The following CTNNA3 variants were observed in gnomAD, a reference collection of about 807,000 sequenced individuals.
CTNNA3 encodes catenin alpha-3.
In CTNNA3, 76 loss-of-function variants were observed where a neutral mutation model predicts 95.7. The ratio of observed to expected loss-of-function variants is 0.79; its 90% confidence interval spans 0.66 to 0.96. CTNNA3 has a LOEUF of 0.96. Among genes scored for constraint, CTNNA3 ranks in the 40% least tolerant of loss-of-function variants. The pLI is 0.00. For synonymous variants in CTNNA3, 431 were observed against 374.4 expected (o/e 1.15, Z -1.74); for missense variants, 1,191 against 1,089.8 (o/e 1.09, Z -1.31).
intron 7 of CTNNA3, among the ~76,000 whole-genome samples, chr10:66,873,322 A>G (rs1844485332): frequency 6.6e-6 from 1 of 151,184 alleles, no homozygotes; most frequent in Non-Finnish European, 1.5e-5. Context: ...GTGTATAAGC[A>G]TTTCCTTTTC....
chr10:67,024,526 T>C (rs78510093), intron 7 of CTNNA3, among the ~76,000 whole-genome samples: 2,132 of 152,298 alleles, frequency 0.014, 64 homozygotes, highest in African/African-American at 0.049. Context: ...TTATTTGGCC[T>C]ACCATAAGAC....
intron 9 of CTNNA3, among the ~76,000 whole-genome samples, chr10:66,688,830 C>T (rs1381774080): frequency 2.0e-5 from 3 of 150,968 alleles, no homozygotes; most frequent in South Asian, 2.1e-4. Flanking sequence ...AAAAATTAGC[C>T]GGGCGTGGTG....
intron 11 of CTNNA3, among the ~76,000 whole-genome samples, chr10:66,391,887 T>G (rs1260782721): frequency 1.3e-5 from 2 of 151,930 alleles, no homozygotes; most frequent in East Asian, 3.9e-4. Flanking sequence ...TACTGATTTT[T>G]CAATTAGAGT....
rs142333069 is a variant in CTNNA3, at chr10:66,314,599, T to A, written c.1733-33978A>T. ...ATCTCAATTTCCTCCAATTAGAATA[T>A]AGAATCTTCAATAAGTTTTTCAACT... On this transcript the variant is annotated intron_variant, in intron 12 of 17. Coordinates refer to ENST00000433211, the MANE Select transcript of CTNNA3 (RefSeq NM_013266.4). Among the ~76,000 whole-genome samples the A allele has an allele frequency of 6.4e-3, 981 of 152,216 alleles. 12 individuals are homozygous for A. Among genetic ancestry groups the A allele is most frequent in the African/African-American group, 0.022 (906 of 41,570 alleles).
intron 13 of CTNNA3, among the ~76,000 whole-genome samples, chr10:66,180,996 A>C (rs1009765074): frequency 2.6e-5 from 4 of 152,114 alleles, no homozygotes; most frequent in African/African-American, 9.7e-5. Flanking sequence ...ATCCAAATGG[A>C]CCATTTCTAG....
intron 7 of CTNNA3, among the ~76,000 whole-genome samples, chr10:67,118,884 T>A (rs1589759584): frequency 6.6e-6 from 1 of 151,900 alleles, no homozygotes; most frequent in Non-Finnish European, 1.5e-5. Context: ...TAGAAATATA[T>A]AATAACATTT....
intron 1 of CTNNA3, among the ~76,000 whole-genome samples, chr10:67,686,552 C>T (rs1840735264): frequency 6.6e-6 from 1 of 152,160 alleles, no homozygotes. Flanking sequence ...AGGCGGTTGT[C>T]TGATAACCAT....
intron 11 of CTNNA3, among the ~76,000 whole-genome samples, chr10:66,507,242 G>A (rs1327372965): frequency 6.6e-6 from 1 of 151,854 alleles, no homozygotes; most frequent in Non-Finnish European, 1.5e-5. Flanking sequence ...CATAATAAGT[G>A]AAACATATTT....
In CTNNA3 at chr10:67,329,608, G is replaced by A. The variant is rs145962902; in HGVS notation, c.580-109738C>T. 8.7e-4 allele frequency among the ~76,000 whole-genome samples: 132 copies of A among 152,262 alleles called. 1 individual carries two copies. Among genetic ancestry groups the A allele is most frequent in the African/African-American group, 3.0e-3 (124 of 41,552 alleles). On this transcript the variant is annotated intron_variant, in intron 5 of 17. Coordinates refer to ENST00000433211, the MANE Select transcript of CTNNA3 (RefSeq NM_013266.4). ...TAGAATATACATACATATTGTCACT[G>A]TTCTTATAAAGTAACTCAAATAGAT...
chr10:66,996,457 G>C (rs1851346736), intron 7 of CTNNA3, among the ~76,000 whole-genome samples: 2 of 151,854 alleles, frequency 1.3e-5, no homozygotes, highest in Non-Finnish European at 2.9e-5. Context: ...ACCAGGCTGG[G>C]CAATATGGTG....
chr10:67,253,570 C>T (rs1866198162), intron 5 of CTNNA3, among the ~76,000 whole-genome samples: 1 of 152,118 alleles, frequency 6.6e-6, no homozygotes, highest in Non-Finnish European at 1.5e-5. Flanking sequence ...CTTTCCCTCT[C>T]CTACACTTAA....
intron 7 of CTNNA3, among the ~76,000 whole-genome samples, chr10:66,975,587 A>G (rs1339129081): frequency 6.6e-6 from 1 of 152,154 alleles, no homozygotes; most frequent in Non-Finnish European, 1.5e-5. Flanking sequence ...ATCCAATTCT[A>G]TGAGTCTATG....
At chr10:66,027,629 T>G (rs1291601426) in intron 15 of CTNNA3, among the ~76,000 whole-genome samples, 1 of 152,152 alleles carries the variant, frequency 6.6e-6, no homozygotes, top group African/African-American at 2.4e-5. Context: ...AAAACAAAAA[T>G]AAGAGCACTT....
At chr10:66,315,148 T>C (rs943274977) in intron 12 of CTNNA3, among the ~76,000 whole-genome samples, 2 of 152,180 alleles carry the variant, frequency 1.3e-5, no homozygotes, top group Admixed American at 6.5e-5. Context: ...TTTTCTCTAC[T>C]AGAAGTAAGT....
At chr10:66,600,411 A>G (rs1203272697) in intron 10 of CTNNA3, among the ~76,000 whole-genome samples, 2 of 151,814 alleles carry the variant, frequency 1.3e-5, no homozygotes, top group Admixed American at 1.3e-4. Context: ...ACCTTGAAAT[A>G]TACACTTTTA....
At chr10:67,116,282 C>CA (rs1173751099) in intron 7 of CTNNA3, among the ~76,000 whole-genome samples, 1 of 152,034 alleles carries the variant, frequency 6.6e-6, no homozygotes, top group Non-Finnish European at 1.5e-5. Context: ...GTGACTTATT[C>CA]AGATGATAGA....
chr10:66,173,355 A>C (rs1327640674), intron 13 of CTNNA3, among the ~76,000 whole-genome samples: 1 of 152,158 alleles, frequency 6.6e-6, no homozygotes. Context: ...ATGTCTAGCA[A>C]TATCGAATGT....
chr10:67,333,137 T>C (rs1051812612), intron 5 of CTNNA3, among the ~76,000 whole-genome samples: 1 of 152,204 alleles, frequency 6.6e-6, no homozygotes, highest in East Asian at 1.9e-4. Flanking sequence ...CATGTTCATT[T>C]CCTTTGTTCT....
At chr10:66,982,342 C>T (rs1850488760) in intron 7 of CTNNA3, among the ~76,000 whole-genome samples, 1 of 152,126 alleles carries the variant, frequency 6.6e-6, no homozygotes, top group South Asian at 2.1e-4. Flanking sequence ...GTTTCAAATA[C>T]CAGCCTTGCC....
Sources: gnomAD v4.1 joint callset for allele counts (sites outside exome capture counted in the v4.1 genomes callset) on GRCh38, gnomAD v4.1.1 for gene constraint, MANE v1.5 for transcripts, NCBI Gene and HGNC (gene_info 2026-07-23, HGNC 2026-07-21) for gene names.